Variants in CCDC91 observed in about 807,000 individuals in gnomAD.
CCDC91 encodes the protein coiled-coil domain containing 91, also known as coiled-coil domain-containing protein 91.
Under a neutral mutation model 63.2 loss-of-function variants are expected in CCDC91, and 48 were observed. The ratio of observed to expected loss-of-function variants is 0.76; its 90% CI spans 0.60 to 0.97. The LOEUF (loss-of-function observed/expected upper bound fraction) is 0.97. Among genes scored for constraint, CCDC91 ranks in the 50% least tolerant of loss-of-function variants. CCDC91 has a pLI of 0.00. For missense variants in CCDC91, 500 were observed against 494.6 expected (o/e 1.01, Z -0.10); for synonymous variants, 167 against 165.8 (o/e 1.01, Z -0.06).
intron 12 of CCDC91, among the ~76,000 whole-genome samples, chr12:28,523,080 T>G (rs1283239215): frequency 1.3e-5 from 2 of 152,176 alleles, no homozygotes; most frequent in South Asian, 2.1e-4. Context: ...TCTGTAGATA[T>G]CTATTAGGTC....
At chr12:28,201,626 G>T (rs1365200153) in intron 1 of CCDC91, among the ~76,000 whole-genome samples, 2 of 146,508 alleles carry the variant, frequency 1.4e-5, no homozygotes, top group Non-Finnish European at 3.1e-5. Context: ...CAGACGGGGT[G>T]GCGGCCGGGC....
In CCDC91 at chr12:28,266,131, A is replaced by G. The variant is rs1395356507; in HGVS notation, c.109+6689A>G. Among the ~76,000 whole-genome samples the G allele has an allele frequency of 2.0e-5, 3 of 152,182 alleles. No homozygotes were observed. In the East Asian group the frequency reaches 5.8e-4, roughly 29 times the overall value. The stretch of plus-strand genomic sequence containing the variant: ...ATAAAGCTGTGAATTATTACTGTAC[A>G]TATAAATACTAGTCTTGATGTGGGT... On this transcript the variant is annotated intron_variant, in intron 3 of 12. Transcript: ENST00000536442.
chr12:28,515,138 T>C (rs1442567570), intron 12 of CCDC91, among the ~76,000 whole-genome samples: 3 of 151,852 alleles, frequency 2.0e-5, no homozygotes, highest in Admixed American at 6.6e-5. Flanking sequence ...TGTGTTTTTT[T>C]TCCCCCAACT....
rs770600535 is a variant in CCDC91, at chr12:28,391,346, G to C, written c.697G>C (p.Glu233Gln). The change falls in exon 8 of 13, where the codon GAA becomes CAA. Residue 233 changes from glutamate (E) to glutamine (Q), a missense_variant. Coordinates refer to ENST00000536442, the MANE Select transcript of CCDC91 (RefSeq NM_018318.5). ...AGTTAAGCAACAAGTAGAAGCTATT[G>C]AAAAACAGTACATTTCTGCAATTGA... ...SSVKQQVEAI[E>Q]KQYISAIEKQ... 2 of 1,613,184 alleles carry C rather than the reference G, an allele frequency of 1.2e-6. No homozygotes were observed. The highest frequency in any genetic ancestry group is 2.2e-5 in the South Asian group (2 of 91,048).
At chr12:28,526,751 T>G (rs1337705259) in intron 12 of CCDC91, among the ~76,000 whole-genome samples, 6 of 151,992 alleles carry the variant, frequency 3.9e-5, no homozygotes, top group Non-Finnish European at 7.4e-5. Context: ...TATTCTTAGG[T>G]TTGGCCATTT....
chr12:28,421,018 A>T (rs1206778982), intron 8 of CCDC91, among the ~76,000 whole-genome samples: 2 of 152,004 alleles, frequency 1.3e-5, no homozygotes, highest in Non-Finnish European at 2.9e-5. Flanking sequence ...TTTTCTCAGC[A>T]TAGATTTCTA....
intron 1 of CCDC91, among the ~76,000 whole-genome samples, chr12:28,237,818 A>T (rs998701143): frequency 1.3e-5 from 2 of 152,212 alleles, no homozygotes; most frequent in African/African-American, 4.8e-5. Flanking sequence ...TAATCATAGA[A>T]TAGGAAGGGA....
intron 12 of CCDC91, among the ~76,000 whole-genome samples, chr12:28,500,622 A>G (rs988033544): frequency 7.2e-5 from 11 of 151,904 alleles, no homozygotes; most frequent in Admixed American, 6.6e-4. Context: ...AGCTAAATAA[A>G]TAGATACCGT....
chr12:28,362,026 G>T (rs571457113), intron 6 of CCDC91, among the ~76,000 whole-genome samples: 3 of 152,072 alleles, frequency 2.0e-5, no homozygotes, highest in Non-Finnish European at 2.9e-5. Flanking sequence ...CCTGTCCTAG[G>T]TAGGTAGAAT....
chr12:28,241,369 A>C (rs10771414), intron 1 of CCDC91, among the ~76,000 whole-genome samples: 86,062 of 151,954 alleles, frequency 0.57, 24,536 homozygotes, highest in East Asian at 0.61. Flanking sequence ...TTTGTGTACT[A>C]TCTACTGACT....
At chr12:28,517,219 C>A (rs1940048510) in intron 12 of CCDC91, among the ~76,000 whole-genome samples, 1 of 151,650 alleles carries the variant, frequency 6.6e-6, no homozygotes, top group Non-Finnish European at 1.5e-5. Flanking sequence ...ATTGTTTTTC[C>A]CAAATGTTTA....
chr12:28,290,594 A>G (rs1949186922), intron 3 of CCDC91, among the ~76,000 whole-genome samples: 1 of 152,188 alleles, frequency 6.6e-6, no homozygotes, highest in Non-Finnish European at 1.5e-5. Flanking sequence ...GTTGCTTTAT[A>G]ATAGTGTCAC....
chr12:28,319,535 CA>C, intron 6 of CCDC91: 3 of 171,874 alleles, frequency 1.7e-5, no homozygotes, highest in Non-Finnish European at 2.4e-5. Flanking sequence ...TCTTAGATAC[CA>C]AAATCCATAA....
rs1295490700 is a variant in CCDC91, at chr12:28,549,204, G to A, written c.*31G>A. The stretch of plus-strand genomic sequence containing the variant: ...ACATGACAAACCCACACTGGCATTG[G>A]ATAAATCATATTACACCTTCAAAAT... On this transcript the variant is annotated 3_prime_UTR_variant, in exon 13 of 13. Transcript: ENST00000536442. 8.4e-7 allele frequency: 1 copy of A among 1,185,764 alleles called. No homozygotes were observed. The highest frequency in any genetic ancestry group is 1.2e-5 in the South Asian group (1 of 81,504). The allele number at this position is 1,185,764 out of a possible 1,614,324, so 73.5% of individuals were successfully genotyped here. A position where few individuals can be genotyped will look rare whatever the true frequency, so the allele number is the denominator to read the frequency against.
intron 7 of CCDC91, among the ~76,000 whole-genome samples, chr12:28,387,714 T>C (rs1945690608): frequency 6.6e-6 from 1 of 152,214 alleles, no homozygotes; most frequent in Admixed American, 6.5e-5. Context: ...GTGAATGCCA[T>C]TAATTCATTC....
chr12:28,492,405 T>C (rs1952061577), intron 12 of CCDC91, among the ~76,000 whole-genome samples: 1 of 151,782 alleles, frequency 6.6e-6, no homozygotes. Context: ...TCTTATAATC[T>C]ATAATCACTT....
At chr12:28,292,661 T>C (rs771039650) in intron 3 of CCDC91, among the ~76,000 whole-genome samples, 2 of 152,120 alleles carry the variant, frequency 1.3e-5, no homozygotes, top group Non-Finnish European at 2.9e-5. Context: ...ACCATATTAA[T>C]ATAAAATAGG....
chr12:28,544,035 C>T (rs1942814582), intron 12 of CCDC91, among the ~76,000 whole-genome samples: 1 of 150,836 alleles, frequency 6.6e-6, no homozygotes, highest in Admixed American at 6.7e-5. Flanking sequence ...TCTTGTCCCG[C>T]TACAGTCTGT....
chr12:28,306,925 G>C lies in CCDC91; in HGVS notation c.451G>C (p.Glu151Gln). 1 of 1,605,028 alleles carries C rather than the reference G, an allele frequency of 6.2e-7. No homozygotes were observed. Among genetic ancestry groups the C allele is most frequent in the South Asian group, 1.1e-5 (1 of 90,478 alleles). Reference sequence around the variant, plus strand: ...GATTAAACTCAAAGTATCTGAAGAAGAAAAACAGAGAATTAAACAGGTATA... The same window carrying C: ...GATTAAACTCAAAGTATCTGAAGAACAAAAACAGAGAATTAAACAGGTATA... ...LEIKLKVSEE[E>Q]KQRIKQDVES... is the part of the protein sequence containing the mutation. The change falls in exon 5 of 13, where the codon GAA becomes CAA. Residue 151 changes from glutamate (E) to glutamine (Q), a missense_variant. Coordinates refer to ENST00000536442, the MANE Select transcript of CCDC91 (RefSeq NM_018318.5).
Sources: gnomAD v4.1 joint callset for allele counts (sites outside exome capture counted in the v4.1 genomes callset) on GRCh38, gnomAD v4.1.1 for gene constraint, MANE v1.5 for transcripts, NCBI Gene and HGNC (gene_info 2026-07-23, HGNC 2026-07-21) for gene names.